The following GDPD2 variants were observed in gnomAD, a reference collection of about 807,000 sequenced individuals.
GDPD2 encodes glycerophosphodiester phosphodiesterase domain containing 2.
A neutral mutation model predicts 49.2 loss-of-function variants in GDPD2; 23 were observed. The observed-to-expected ratio is 0.47, with a 90% CI of 0.34 to 0.66. The LOEUF is 0.66. Ranked by LOEUF, GDPD2 falls within the 30% of genes least tolerant of loss-of-function variation. The pLI is 0.01. For synonymous variants in GDPD2, 167 were observed against 171.4 expected, an observed-to-expected ratio of 0.97 and a Z score of 0.20; for missense variants, 338 against 424.7, an observed-to-expected ratio of 0.80 and a Z score of 1.79.
Position 70,427,372 on chromosome X carries a change from C to G in GDPD2, c.845C>G (p.Ala282Gly). The G allele has an allele frequency of 8.3e-7, 1 of 1,206,738 alleles. No individual in the cohort carries two copies. The highest frequency in any genetic ancestry group is 3.0e-5 in the East Asian group (1 of 33,809). Residue 282 changes from alanine (A) to glycine (G), a missense_variant, in exon 10 of 16, where the codon GCC becomes GGC. Physicochemically the swap from Ala to Gly is moderately conservative, Grantham distance 60 (BLOSUM62 0). This residue lies in a region of GDPD2 where 253 missense variants were observed against 330.4 expected (regional missense o/e 0.77). Transcript: ENST00000374382. The part of the protein sequence containing the change: ...DEHLSRTTNV[A>G]SVFPTRITAH... ...CACCTCAGCAGGACCACGAATGTAG[C>G]CTCTGTATTCCCAACCCGAATCACA...
chrX:70,427,346 G>T lies in GDPD2; in HGVS notation c.819G>T (p.Glu273Asp). 1 of 1,209,577 alleles carries T rather than the reference G, an allele frequency of 8.3e-7. No individual in the cohort carries two copies. Among genetic ancestry groups the T allele is most frequent in the Non-Finnish European group, 1.1e-6 (1 of 893,800 alleles). The stretch of plus-strand genomic sequence containing the variant: ...GGGTCCCCTTCCTCATGCATGATGA[G>T]CACCTCAGCAGGACCACGAATGTAG... ...SDGVPFLMHD[E>D]HLSRTTNVAS... Residue 273 changes from glutamate (E) to aspartate (D), a missense_variant, in exon 10 of 16, where the codon GAG becomes GAT. Coordinates refer to ENST00000374382, the MANE Select transcript of GDPD2 (RefSeq NM_017711.4).
At chrX:70,423,871 A>T (rs1227941725) in intron 1 of GDPD2, among the ~76,000 whole-genome samples, 1 of 111,412 alleles carries the variant, frequency 9.0e-6, no homozygotes, top group Non-Finnish European at 1.9e-5. Context: ...AGCTCTGAGG[A>T]CAAGAGGTCC....
intron 12 of GDPD2, 106 bp from the exon 13 acceptor site, chrX:70,432,201 C>G (rs2086483663): frequency 1.6e-6 from 1 of 642,315 alleles, no homozygotes; most frequent in Non-Finnish European, 2.5e-6. Flanking sequence ...GAGCTGATAC[C>G]TCCTTGGCAG....
chrX:70,425,394 T>A lies in GDPD2; in HGVS notation c.146T>A (p.Leu49His). Residue 49 changes from leucine (L) to histidine (H), a missense_variant, in exon 3 of 16, where the codon CTC becomes CAC. By Grantham distance (99) the Leu-to-His change is moderately conservative (BLOSUM62 -3). This residue lies in a region of GDPD2 where 75 missense variants were observed against 67.6 expected (regional missense o/e 1.11). Coordinates refer to ENST00000374382, the MANE Select transcript of GDPD2 (RefSeq NM_017711.4). Reference sequence around the variant, plus strand: ...TTTGGCCTGCTCTTCCTCACCTTCCTCCTTTCCCTGAGCTGGCTGTACATC... The same window carrying A: ...TTTGGCCTGCTCTTCCTCACCTTCCACCTTTCCCTGAGCTGGCTGTACATC... The part of the protein sequence containing the change: ...IWFGLLFLTF[L>H]LSLSWLYIGL... 1 of 1,206,227 alleles carries A rather than the reference T, an allele frequency of 8.3e-7. No homozygotes were observed. The highest frequency in any genetic ancestry group is 1.1e-6 in the Non-Finnish European group (1 of 890,700).
intron 3 of GDPD2, 75 bp from the exon 4 acceptor site, chrX:70,425,688 A>ACCCACCCC: frequency 1.7e-6 from 1 of 599,338 alleles, no homozygotes; most frequent in Non-Finnish European, 2.9e-6. Context: ...TCCTGGATCC[A>ACCCACCCC]CCCACCCCAC....
At position 70,425,798 on chromosome X, in the gene GDPD2, G is replaced by T; in HGVS notation, c.245G>T (p.Trp82Leu). 1 of 1,198,974 alleles carries T rather than the reference G, an allele frequency of 8.3e-7. No individual in the cohort carries two copies. Among genetic ancestry groups the T allele is most frequent in the Non-Finnish European group, 1.1e-6 (1 of 884,410 alleles). The change falls in exon 4 of 16, where the codon TGG becomes TTG. Residue 82 changes from tryptophan (W) to leucine (L), a missense_variant. Trp to Leu is a moderately conservative substitution (Grantham distance 61). Transcript: ENST00000374382. ...CGCCGCTGGGGACACTGGATGGACT[G>T]GTCCCTGGCATTCCTGCTGGTCATC... is the stretch of plus-strand genomic sequence containing the variant. ...LFRRWGHWMD[W>L]SLAFLLVISL... is the part of the protein sequence containing the mutation.
chrX:70,433,195 G>T lies in GDPD2; in HGVS notation c.*109G>T. On this transcript the variant is annotated 3_prime_UTR_variant, in exon 16 of 16. Transcript: ENST00000374382. ...AGGGGTGGTGGGTTGCAAGTGGGGG[G>T]AGCTTTGCCAACAGGAGGTTTTGAA... The T allele has an allele frequency of 3.3e-6, 2 of 604,198 alleles. No homozygotes were observed. Among genetic ancestry groups the T allele is most frequent in the African/African-American group, 2.2e-5 (1 of 45,934 alleles). The allele number at this position is 604,198 out of a possible 1,213,427, so 49.8% of individuals were successfully genotyped here.
chrX:70,431,030 T>C, intron 12 of GDPD2: 2 of 725,469 alleles, frequency 2.8e-6, no homozygotes, highest in Non-Finnish European at 4.1e-6. Flanking sequence ...TCAAGCAATC[T>C]TCCTGCCTCG....
In GDPD2 at chrX:70,427,014, G is replaced by A. The variant is rs370593460; in HGVS notation, c.702+3G>A. ...TGGGACACCGAGGGGCCCCCATGGT[G>A]AGTGTTGGACAGAATGCTGGGAGGG... On this transcript the variant is annotated splice_donor_region_variant and intron_variant, in intron 8 of 15. Transcript: ENST00000374382. 1.7e-6 allele frequency: 2 copies of A among 1,190,824 alleles called. No individual in the cohort carries two copies. Among genetic ancestry groups the A allele is most frequent in the South Asian group, 1.8e-5 (1 of 56,501 alleles).
rs751067896 is a variant in GDPD2 at position 70,426,858 on chromosome X, C to T, written c.557-8C>T. The T allele has an allele frequency of 1.6e-5, 19 of 1,207,701 alleles. No individual in the cohort carries two copies. The highest frequency in any genetic ancestry group is 2.0e-5 in the Non-Finnish European group (18 of 893,162). On this transcript the variant is annotated splice_polypyrimidine_tract_variant and splice_region_variant and intron_variant, in intron 7 of 15. Coordinates refer to ENST00000374382, the MANE Select transcript of GDPD2 (RefSeq NM_017711.4). ...CATTCTTGAAAGCCTGTCCCCCACTCCCCACAGGTCCCAAGATTCTGCTAC... is the reference window on the plus strand; with the variant it reads ...CATTCTTGAAAGCCTGTCCCCCACTTCCCACAGGTCCCAAGATTCTGCTAC...
In GDPD2 at chrX:70,424,999, C is replaced by T. The variant is rs762969617; in HGVS notation, c.15C>T (p.Pro5=). The change falls in exon 2 of 16, where the codon CCC becomes CCT. Residue 5 remains proline, a synonymous_variant. Coordinates refer to ENST00000374382, the MANE Select transcript of GDPD2 (RefSeq NM_017711.4). MAES[P]GCCSVWARCL... is the part of the protein sequence containing the mutation. ...AGGCCTTCACCATGGCCGAGTCCCC[C>T]GGCTGCTGCTCCGTCTGGGCCCGCT... 3.4e-5 allele frequency: 41 copies of T among 1,192,565 alleles called. No homozygotes were observed. The highest frequency in any genetic ancestry group is 4.0e-5 in the Non-Finnish European group (35 of 885,357).
At chrX:70,426,599 C>T (rs779427335) in intron 6 of GDPD2, 49 bp from the exon 7 acceptor site, 18 of 1,065,766 alleles carry the variant, frequency 1.7e-5, no homozygotes, top group South Asian at 1.4e-4. Context: ...AAGAGGAAAG[C>T]GGGGAGGGGC....
At chrX:70,426,318 C>T in intron 5 of GDPD2, 53 bp from the exon 6 acceptor site, 1 of 1,067,481 alleles carries the variant, frequency 9.4e-7, no homozygotes, top group Non-Finnish European at 1.3e-6. Context: ...GAGCAGCTCA[C>T]CAACCATGAG....
chrX:70,433,151 G>A lies in GDPD2; in HGVS notation c.*65G>A. On this transcript the variant is annotated 3_prime_UTR_variant, in exon 16 of 16. Coordinates refer to ENST00000374382, the MANE Select transcript of GDPD2 (RefSeq NM_017711.4). Reference sequence around the variant, plus strand: ...GCCCAAACAGCAAGGGTTGGAGAGTGGCTTAAGTGGAATGCTTCAGGGGTG... The same window carrying A: ...GCCCAAACAGCAAGGGTTGGAGAGTAGCTTAAGTGGAATGCTTCAGGGGTG... 5 of 891,286 alleles carry A rather than the reference G, an allele frequency of 5.6e-6. No homozygotes were observed. The highest frequency in any genetic ancestry group is 2.1e-5 in the South Asian group (1 of 47,474). 73.5% of individuals were successfully genotyped at this position (891,286 alleles called of 1,213,427 possible). A position where few individuals can be genotyped will look rare whatever the true frequency, so the allele number is the denominator to read the frequency against.
At position 70,429,600 on chromosome X, in the gene GDPD2, C is replaced by T; in HGVS notation, c.1044C>T (p.Leu348=). Residue 348 remains leucine (L), a synonymous_variant, in exon 11 of 16, where the codon CTC becomes CTT. Coordinates refer to ENST00000374382, the MANE Select transcript of GDPD2 (RefSeq NM_017711.4). ...LEELLEEAAA[L]NLSIMFDLRR... Reference sequence around the variant, plus strand: ...AGCTATTGGAGGAAGCTGCAGCCCTCAACCTTTCCATCATGTTCGACTTGC... The same window carrying T: ...AGCTATTGGAGGAAGCTGCAGCCCTTAACCTTTCCATCATGTTCGACTTGC... The T allele has an allele frequency of 8.3e-7, 1 of 1,206,228 alleles. No homozygotes were observed. Among genetic ancestry groups the T allele is most frequent in the Non-Finnish European group, 1.1e-6 (1 of 890,439 alleles).
chrX:70,423,619 G>A (rs948956499), intron 1 of GDPD2, among the ~76,000 whole-genome samples: 16 of 111,966 alleles, frequency 1.4e-4, no homozygotes, highest in African/African-American at 5.2e-4. Flanking sequence ...CAAGAGCTTA[G>A]AGCAGGCTAT....
chrX:70,430,135 A>G lies in GDPD2; in HGVS notation c.1307+72A>G. ...GGCAGGGAAGAACCAGTTCAGGGAG[A>G]GCAAAGCCTCTTGATTCATTCACTC... On this transcript the variant is annotated intron_variant, in intron 12 of 15. Coordinates refer to ENST00000374382, the MANE Select transcript of GDPD2 (RefSeq NM_017711.4). 3.2e-6 allele frequency: 3 copies of G among 938,600 alleles called. No individual in the cohort carries two copies. The South Asian group carries it at 7.2e-5, about 23-fold the overall frequency. 77.4% of individuals were successfully genotyped at this position (938,600 alleles called of 1,213,427 possible). A position where few individuals can be genotyped will look rare whatever the true frequency, so the allele number is the denominator to read the frequency against.
In GDPD2 at chrX:70,427,146, G is replaced by A. The variant is rs1283678356; in HGVS notation, c.712G>A (p.Glu238Lys). 4 of 1,203,321 alleles carry A rather than the reference G, an allele frequency of 3.3e-6. No individual in the cohort carries two copies. The highest frequency in any genetic ancestry group is 1.8e-5 in the African/African-American group (1 of 56,905). Reference sequence around the variant, plus strand: ...CTATTCCCTTTCCCAGCTGGCTCCCGAGAACACCCTGATGTCCTTGCGGAA... The same window carrying A: ...CTATTCCCTTTCCCAGCTGGCTCCCAAGAACACCCTGATGTCCTTGCGGAA... ...GHRGAPMLAP[E>K]NTLMSLRKTA... The change falls in exon 9 of 16, where the codon GAG (glutamate) becomes AAG (lysine). Residue 238 changes from glutamate to lysine, a missense_variant. Around this residue, in one of 3 missense-constraint regions of GDPD2, gnomAD observed 253 missense variants for 330.4 expected, o/e 0.77. Transcript: ENST00000374382.
intron 9 of GDPD2, 46 bp downstream of exon 9, chrX:70,427,265 G>C (rs1459208006): frequency 3.3e-6 from 4 of 1,206,189 alleles, no homozygotes; most frequent in Non-Finnish European, 4.5e-6. Flanking sequence ...TGAAGGACAT[G>C]ATGACCAGCC....
Sources: allele counts gnomAD v4.1 joint callset (sites outside exome capture counted in the v4.1 genomes callset), GRCh38; gene constraint gnomAD v4.1.1; regional missense constraint gnomAD v4.1.1; transcripts MANE v1.5; gene names NCBI Gene and HGNC (gene_info 2026-07-23, HGNC 2026-07-21).